The following SVEP1 variants were observed in gnomAD, a reference collection of about 807,000 sequenced individuals.
The protein encoded by SVEP1 is sushi, von Willebrand factor type A, EGF and pentraxin domain containing 1.
SVEP1 carries 164 observed loss-of-function variants against 367.3 expected under a neutral mutation model. The observed-to-expected ratio is 0.45, with a 90% confidence interval of 0.39 to 0.51. The LOEUF (loss-of-function observed/expected upper bound fraction) is 0.51. Among genes scored for constraint, SVEP1 ranks in the 20% least tolerant of loss-of-function variants. The probability of loss-of-function intolerance (pLI) is 0.00; values close to 1 mark genes in which losing one functional copy is unlikely to be tolerated. For synonymous variants in SVEP1, 1,666 were observed against 1,611.6 expected, an observed-to-expected ratio of 1.03 and a Z score of -0.81; for missense variants, 4,117 against 4,425.3, an observed-to-expected ratio of 0.93 and a Z score of 1.98.
Position 110,579,111 on chromosome 9 carries a change from C to T in SVEP1, c.433G>A (p.Ala145Thr). ...PRVDYISTRR[A>T]RQHKCALLLQ... ...AGCAGCGCGCACTTGTGCTGGCGCG[C>T]GCGGCGGGTGGAGATGTAATCGACG... The change falls in exon 1 of 48, where the codon GCG becomes ACG. Residue 145 changes from alanine to threonine, a missense_variant. By Grantham distance (58) the Ala-to-Thr change is moderately conservative (BLOSUM62 0). This residue lies in a region of SVEP1 where 2,174 missense variants were observed against 2,494.3 expected (regional missense o/e 0.87). Transcript: ENST00000374469. The surrounding 1 kb of genome is among the most constrained non-coding windows in gnomAD (Gnocchi z 5.3). 1 of 1,553,252 alleles carries T rather than the reference C, an allele frequency of 6.4e-7. No homozygotes were observed. The highest frequency in any genetic ancestry group is 1.4e-5 in the African/African-American group (1 of 73,204).
chr9:110,546,656 G>T (rs1232981738), intron 2 of SVEP1, among the ~76,000 whole-genome samples: 1 of 152,158 alleles, frequency 6.6e-6, no homozygotes, highest in Admixed American at 6.5e-5. Context: ...CTGCCTCTGG[G>T]TGAGGTCAGG....
intron 8 of SVEP1, among the ~76,000 whole-genome samples, chr9:110,492,775 C>T (rs1293491620): frequency 1.3e-5 from 2 of 152,018 alleles, no homozygotes; most frequent in East Asian, 1.9e-4. Context: ...GAAGGGGGTG[C>T]CTACAGAAAA....
chr9:110,412,100 T>G (rs1441728175), intron 36 of SVEP1, among the ~76,000 whole-genome samples: 1 of 152,226 alleles, frequency 6.6e-6, no homozygotes, highest in Non-Finnish European at 1.5e-5. Flanking sequence ...TTTTGCTACT[T>G]AAGGAACTCT....
chr9:110,514,513 CAAA>C (rs71978747), intron 3 of SVEP1, among the ~76,000 whole-genome samples: 4 of 109,412 alleles, frequency 3.7e-5, no homozygotes, highest in Admixed American at 9.2e-5. Flanking sequence ...AACTCCATCT[CAAA>C]AAAAAAAAAA....
In SVEP1 at chr9:110,432,653, A is replaced by G; in HGVS notation, c.5060-18T>C. ...GCTAATGCCTGTAAGGTGACCAGGA[A>G]GAAGACAACGACATTAAGAGCAAAA... On this transcript the variant is annotated intron_variant, in intron 30 of 47. Coordinates refer to ENST00000374469, the MANE Select transcript of SVEP1 (RefSeq NM_153366.4). The G allele has an allele frequency of 1.3e-6, 2 of 1,588,202 alleles. No homozygotes were observed. The highest frequency in any genetic ancestry group is 1.7e-6 in the Non-Finnish European group (2 of 1,171,016).
At chr9:110,379,575 G>A (rs1827404047) in intron 43 of SVEP1, 58 bp from the exon 44 acceptor site, 1 of 1,551,950 alleles carries the variant, frequency 6.4e-7, no homozygotes, top group Non-Finnish European at 8.8e-7. Flanking sequence ...TGAGAACACA[G>A]TCTCATCTCT....
chr9:110,388,576 A>C (rs1371830116), intron 41 of SVEP1, among the ~76,000 whole-genome samples: 1 of 152,112 alleles, frequency 6.6e-6, no homozygotes, highest in Non-Finnish European at 1.5e-5. Context: ...TCCCTGGACC[A>C]GATGCTAATG....
intron 41 of SVEP1, among the ~76,000 whole-genome samples, chr9:110,388,403 G>GTTCTAGACTAGTGC (rs1351973247): frequency 6.6e-6 from 1 of 152,070 alleles, no homozygotes; most frequent in African/African-American, 2.4e-5. Flanking sequence ...AGAGAAGGTG[G>GTTCTAGACTAGTGC]TTCTAGACTA....
intron 13 of SVEP1, among the ~76,000 whole-genome samples, chr9:110,476,777 C>T (rs756856511): frequency 2.0e-5 from 3 of 152,136 alleles, no homozygotes; most frequent in Non-Finnish European, 1.5e-5. Context: ...GAACATCTCC[C>T]AGAAAATATT....
chr9:110,401,154 T>C (rs1242026277), intron 39 of SVEP1, 145 bp from the exon 40 acceptor site: 8 of 913,268 alleles, frequency 8.8e-6, no homozygotes, highest in Admixed American at 5.7e-5. Context: ...TTGCTACTTA[T>C]TATATGTGGG....
chr9:110,465,631 T>C (rs1828923699), intron 18 of SVEP1, among the ~76,000 whole-genome samples: 2 of 152,214 alleles, frequency 1.3e-5, no homozygotes, highest in Admixed American at 1.3e-4. Flanking sequence ...GACCAAGTCT[T>C]GTACTTCTTT....
chr9:110,407,755 G>C lies in SVEP1; in HGVS notation c.7845C>G (p.Leu2615=). ...AGTCTCCAAAATCTATATGAGGAGG[G>C]AGGCCACAGTCTATTGGCATACATG... The part of the protein sequence containing the change: ...IPTCMPIDCG[L]PPHIDFGDCT... The change falls in exon 38 of 48, where the codon CTC becomes CTG. Residue 2615 remains leucine (L), a synonymous_variant. Transcript: ENST00000374469. 3 of 1,614,000 alleles carry C rather than the reference G, an allele frequency of 1.9e-6. No individual in the cohort carries two copies. Among genetic ancestry groups the C allele is most frequent in the Non-Finnish European group, 2.5e-6 (3 of 1,179,902 alleles).
intron 36 of SVEP1, among the ~76,000 whole-genome samples, chr9:110,413,843 G>C (rs1431562242): frequency 6.6e-6 from 1 of 151,998 alleles, no homozygotes; most frequent in African/African-American, 2.4e-5. Flanking sequence ...TACCTGATTA[G>C]CCTGTCATTT....
intron 8 of SVEP1, among the ~76,000 whole-genome samples, chr9:110,490,205 T>C (rs763171378): frequency 6.6e-6 from 1 of 152,178 alleles, no homozygotes; most frequent in Non-Finnish European, 1.5e-5. Flanking sequence ...TCTTTACTGA[T>C]GCATAATAGA....
chr9:110,429,443 T>C, intron 34 of SVEP1, 109 bp from the exon 35 acceptor site: 1 of 803,470 alleles, frequency 1.2e-6, no homozygotes, highest in Non-Finnish European at 1.8e-6. Flanking sequence ...ATTGGAAAAG[T>C]TGATTTTTTT....
intron 3 of SVEP1, among the ~76,000 whole-genome samples, chr9:110,522,679 G>A (rs904601045): frequency 2.0e-5 from 3 of 152,170 alleles, no homozygotes; most frequent in African/African-American, 4.8e-5. Flanking sequence ...GATTCTGAGT[G>A]TAGTTTGGTG....
chr9:110,472,259 C>T lies in SVEP1; in HGVS notation c.2664G>A (p.Val888=), dbSNP rs1289552522. The T allele has an allele frequency of 6.2e-7, 1 of 1,613,606 alleles. No homozygotes were observed. Among genetic ancestry groups the T allele is most frequent in the Admixed American group, 1.7e-5 (1 of 59,856 alleles). ...DYSYDDFLDT[V]QETATSIGNA... ...TGCCGATGCTTGTGGCTGTTTCTTG[C>T]ACAGTGTCCAGGAAGTCATCGTAAG... is the stretch of plus-strand genomic sequence containing the variant. Residue 888 remains valine, a synonymous_variant, in exon 15 of 48, where the codon GTG becomes GTA. Coordinates refer to ENST00000374469, the MANE Select transcript of SVEP1 (RefSeq NM_153366.4).
At chr9:110,390,027 G>A (rs370340824) in intron 40 of SVEP1, among the ~76,000 whole-genome samples, 57 of 93,088 alleles carry the variant, frequency 6.1e-4, no homozygotes, top group African/African-American at 2.0e-3. Context: ...GTGTGTGTGT[G>A]TATATATATA....
At chr9:110,396,632 A>C (rs1238649956) in intron 40 of SVEP1, among the ~76,000 whole-genome samples, 1 of 148,530 alleles carries the variant, frequency 6.7e-6, no homozygotes, top group Non-Finnish European at 1.5e-5. Flanking sequence ...AGAAGAATCA[A>C]ATAGACACAA....
Sources: gnomAD v4.1 joint callset for allele counts (sites outside exome capture counted in the v4.1 genomes callset) on GRCh38, gnomAD v4.1.1 for gene constraint, gnomAD v4.1.1 regional missense constraint, Gnocchi (gnomAD v3.1) non-coding constraint, MANE v1.5 for transcripts, NCBI Gene and HGNC (gene_info 2026-07-23, HGNC 2026-07-21) for gene names.